ALMS1: variants seen among roughly 807,000 people sequenced by gnomAD.
ALMS1 encodes centrosome-associated protein ALMS1.
ALMS1 carries 271 observed loss-of-function variants against 352.2 expected under a neutral mutation model. The ratio of observed to expected loss-of-function variants is 0.77; its 90% CI spans 0.70 to 0.85. The LOEUF (loss-of-function observed/expected upper bound fraction) is 0.85. ALMS1 is among the 40% of genes least tolerant of loss of function. The pLI, the probability that ALMS1 is intolerant of heterozygous loss-of-function variation, is 0.00. For synonymous variants in ALMS1, 1,865 were observed against 1,761.2 expected (o/e 1.06, Z -1.48); for missense variants, 5,445 against 4,870.7 (o/e 1.12, Z -3.51).
intron 15 of ALMS1, among the ~76,000 whole-genome samples, chr2:73,571,096 A>G (rs7598419): frequency 0.26 from 39,938 of 152,144 alleles, 5,784 homozygotes; most frequent in African/African-American, 0.39. Flanking sequence ...AAATGTTGCT[A>G]GATAATTCTA....
In ALMS1 at chr2:73,385,889, A is replaced by G. The variant is rs373614102; in HGVS notation, c.21A>G (p.Pro7=). Residue 7 remains proline (P), a synonymous_variant, in exon 1 of 23, where the codon CCA becomes CCG. Coordinates refer to ENST00000613296, the MANE Select transcript of ALMS1 (RefSeq NM_001378454.1). ...CCAACATGGAGCCCGAGGATCTGCC[A>G]TGGCCGGGCGAGCTGGAGGAGGAGG... MEPEDL[P]WPGELEEEEE... The G allele has an allele frequency of 1.4e-5, 12 of 834,082 alleles. No individual in the cohort carries two copies. Among genetic ancestry groups the G allele is most frequent in the Non-Finnish European group, 1.6e-5 (8 of 506,106 alleles). 51.7% of individuals were successfully genotyped at this position (834,082 alleles called of 1,614,324 possible). A position where few individuals can be genotyped will look rare whatever the true frequency, so the allele number is the denominator to read the frequency against.
chr2:73,509,812 C>G (rs1302570293), intron 10 of ALMS1, among the ~76,000 whole-genome samples: 1 of 152,148 alleles, frequency 6.6e-6, no homozygotes, highest in East Asian at 1.9e-4. Flanking sequence ...GTCAGTCTTG[C>G]TAGGTTGGGG....
At chr2:73,478,519 C>G (rs1257800776) in intron 9 of ALMS1, among the ~76,000 whole-genome samples, 8 of 152,072 alleles carry the variant, frequency 5.3e-5, no homozygotes, top group Admixed American at 5.2e-4. Context: ...ATATTTGCTT[C>G]CCACTGATAT....
At chr2:73,541,627 T>A (rs1674183788) in intron 12 of ALMS1, among the ~76,000 whole-genome samples, 1 of 151,970 alleles carries the variant, frequency 6.6e-6, no homozygotes, top group Non-Finnish European at 1.5e-5. Context: ...CTGGCCAGAC[T>A]AATAAAGAAG....
chr2:73,390,602 A>G (rs533382093), intron 1 of ALMS1, among the ~76,000 whole-genome samples: 1 of 152,228 alleles, frequency 6.6e-6, no homozygotes, highest in East Asian at 1.9e-4. Context: ...TCAGAGCCTT[A>G]TGTTGTTTTT....
rs557396040 is a variant in ALMS1, at chr2:73,416,076, A to G, written c.451-3047A>G. On this transcript the variant is annotated intron_variant, in intron 2 of 22. Transcript: ENST00000613296. ...TAGAGAGGAGTGAACTATGGGATAC[A>G]GGCTCAAACCATGGTCAGAGAGGCT... is the stretch of plus-strand genomic sequence containing the variant. Among the ~76,000 whole-genome samples the G allele has an allele frequency of 3.3e-5, 5 of 152,274 alleles. No individual in the cohort carries two copies. The South Asian group carries it at 1.0e-3, about 32-fold the overall frequency.
rs1672969017 is a variant in ALMS1 at position 73,490,888 on chromosome 2, G to A, written c.8929G>A (p.Asp2977Asn). The A allele has an allele frequency of 6.2e-7, 1 of 1,614,134 alleles. No individual in the cohort carries two copies. Among genetic ancestry groups the A allele is most frequent in the Non-Finnish European group, 8.5e-7 (1 of 1,180,030 alleles). Residue 2977 changes from aspartate (D) to asparagine (N), a missense_variant, in exon 10 of 23, where the codon GAT becomes AAT. Transcript: ENST00000613296. ...EQCQSKAPGV[D>N]DQMNKHHFPL... ...ATGCCAAAGCAAAGCGCCAGGTGTA[G>A]ATGACCAAATGAATAAACACCATTT...
intron 13 of ALMS1, among the ~76,000 whole-genome samples, chr2:73,553,581 A>C (rs1408027067): frequency 6.6e-6 from 1 of 152,234 alleles, no homozygotes; most frequent in Non-Finnish European, 1.5e-5. Context: ...TCAGGAAAGC[A>C]GAAGTTTGTA....
intron 9 of ALMS1, among the ~76,000 whole-genome samples, chr2:73,471,329 T>C (rs1353765272): frequency 6.7e-6 from 1 of 149,448 alleles, no homozygotes; most frequent in Non-Finnish European, 1.5e-5. Context: ...TTTAAAAAAA[T>C]AGACAAACAG....
intron 16 of ALMS1, among the ~76,000 whole-genome samples, chr2:73,580,479 C>G (rs1016256833): frequency 2.6e-5 from 4 of 152,122 alleles, no homozygotes; most frequent in African/African-American, 9.7e-5. Flanking sequence ...AGTTCTTTAT[C>G]CATGGTTTCC....
chr2:73,609,078 A>G (rs770789146), intron 22 of ALMS1, among the ~76,000 whole-genome samples: 1 of 152,232 alleles, frequency 6.6e-6, no homozygotes, highest in African/African-American at 2.4e-5. Flanking sequence ...CTCACGGGGC[A>G]GGGTTGGTGT....
Position 73,490,355 on chromosome 2 carries a change from C to A in ALMS1, c.8396C>A (p.Pro2799His). The change falls in exon 10 of 23, where the codon CCT becomes CAT. Residue 2799 changes from proline to histidine, a missense_variant. By Grantham distance (77) the Pro-to-His change is moderately conservative. Coordinates refer to ENST00000613296, the MANE Select transcript of ALMS1 (RefSeq NM_001378454.1). ...GGTAGAAGGCAAAGCCAAAAATTACCTGTTGATTTTGAGCGTTCTTTTCAA... is the reference window on the plus strand; with the variant it reads ...GGTAGAAGGCAAAGCCAAAAATTACATGTTGATTTTGAGCGTTCTTTTCAA... ...AEGRRQSQKL[P>H]VDFERSFQEE... is the part of the protein sequence containing the mutation. 3.7e-6 allele frequency: 6 copies of A among 1,612,522 alleles called. No homozygotes were observed. Among genetic ancestry groups the A allele is most frequent in the Non-Finnish European group, 5.1e-6 (6 of 1,179,338 alleles).
At chr2:73,412,102 C>A (rs1671089108) in intron 2 of ALMS1, among the ~76,000 whole-genome samples, 1 of 152,128 alleles carries the variant, frequency 6.6e-6, no homozygotes, top group Non-Finnish European at 1.5e-5. Context: ...TTAAACATAT[C>A]AAAATTTACT....
chr2:73,601,256 T>A lies in ALMS1; in HGVS notation c.11934T>A (p.Pro3978=), dbSNP rs748382663. 2 of 1,614,192 alleles carry A rather than the reference T, an allele frequency of 1.2e-6. No homozygotes were observed. The highest frequency in any genetic ancestry group is 1.7e-6 in the Non-Finnish European group (2 of 1,180,018). The change falls in exon 19 of 23, where the codon CCT becomes CCA. Residue 3978 remains proline, a synonymous_variant. Transcript: ENST00000613296. ...CTAGATCAAAGAAGGAAAACGTGCC[T>A]AACACTTGTGGCCCTGGCATCTCCT... ...VESRSKKENV[P]NTCGPGISWF...
At chr2:73,388,696 T>C (rs1207235793) in intron 1 of ALMS1, among the ~76,000 whole-genome samples, 2 of 152,242 alleles carry the variant, frequency 1.3e-5, no homozygotes, top group African/African-American at 4.8e-5. Flanking sequence ...TATTAATACA[T>C]ACTACATTTT....
chr2:73,458,688 C>T (rs971067688), intron 9 of ALMS1: 4 of 152,054 alleles, frequency 2.6e-5, no homozygotes, highest in African/African-American at 7.3e-5. Flanking sequence ...ATAGCATGCA[C>T]ACAGTTGCTG....
Position 73,609,643 on chromosome 2 carries a change from TTC to T in ALMS1, c.*33_*34del. The stretch of plus-strand genomic sequence containing the variant: ...GTTTATTTTCCTCAGAGCCTTGGAA[TTC>T]TATTTTATGAACCTAGAGAAGCAGA... On this transcript the variant is annotated 3_prime_UTR_variant, in exon 23 of 23. Coordinates refer to ENST00000613296, the MANE Select transcript of ALMS1 (RefSeq NM_001378454.1). 1 of 1,606,694 alleles carries T rather than the reference TTC, an allele frequency of 6.2e-7. No individual in the cohort carries two copies. Among genetic ancestry groups the T allele is most frequent in the Non-Finnish European group, 8.5e-7 (1 of 1,173,244 alleles).
intron 12 of ALMS1, among the ~76,000 whole-genome samples, chr2:73,538,819 C>T (rs1047023951): frequency 6.6e-6 from 1 of 152,160 alleles, no homozygotes; most frequent in African/African-American, 2.4e-5. Context: ...AACTGCAAGG[C>T]GGCAGCGAGG....
At chr2:73,544,556 C>A (rs1049749099) in intron 12 of ALMS1, among the ~76,000 whole-genome samples, 1 of 152,008 alleles carries the variant, frequency 6.6e-6, no homozygotes, top group Non-Finnish European at 1.5e-5. Flanking sequence ...GGAAAATTAT[C>A]AGTGTTGTCA....
Sources: gnomAD v4.1 joint callset for allele counts (sites outside exome capture counted in the v4.1 genomes callset) on GRCh38, gnomAD v4.1.1 for gene constraint, MANE v1.5 for transcripts, NCBI Gene and HGNC (gene_info 2026-07-23, HGNC 2026-07-21) for gene names.